Variants in VPS8 observed in about 807,000 individuals in gnomAD.
The protein encoded by VPS8 is VPS8 subunit of CORVET complex, also known as vacuolar protein sorting-associated protein 8 homolog.
A neutral mutation model predicts 216.4 loss-of-function variants in VPS8; 129 were observed. The observed-to-expected ratio is 0.60, with a 90% CI of 0.52 to 0.69. The LOEUF (loss-of-function observed/expected upper bound fraction) is 0.69, where lower values mean the gene tolerates loss of function less well. Ranked by LOEUF, VPS8 falls within the 30% of genes least tolerant of loss-of-function variation. The pLI, the probability that VPS8 is intolerant of heterozygous loss-of-function variation, is 0.00. For synonymous variants in VPS8, 571 were observed against 565.4 expected (o/e 1.01, Z -0.14); for missense variants, 1,531 against 1,683.5 (o/e 0.91, Z 1.59).
At chr3:185,016,328 A>G (rs1165927281) in intron 45 of VPS8, among the ~76,000 whole-genome samples, 1 of 152,196 alleles carries the variant, frequency 6.6e-6, no homozygotes, top group Non-Finnish European at 1.5e-5. Context: ...GAATTTTGCA[A>G]GTGATCATAA....
At chr3:184,890,130 A>C (rs1271881459) in intron 22 of VPS8, among the ~76,000 whole-genome samples, 1 of 152,082 alleles carries the variant, frequency 6.6e-6, no homozygotes, top group Non-Finnish European at 1.5e-5. Flanking sequence ...CCAGCATAGT[A>C]TTTTTTCTCC....
intron 37 of VPS8, among the ~76,000 whole-genome samples, chr3:184,960,888 G>T (rs1011127817): frequency 2.0e-5 from 3 of 152,190 alleles, no homozygotes; most frequent in Admixed American, 1.3e-4. Context: ...CTACTAAGTG[G>T]TAGCCCCTGA....
intron 35 of VPS8, among the ~76,000 whole-genome samples, chr3:184,939,133 C>A (rs1742187855): frequency 6.6e-6 from 1 of 151,538 alleles, no homozygotes; most frequent in African/African-American, 2.4e-5. Flanking sequence ...GTGCAAGAAT[C>A]CCACATAGAT....
chr3:184,866,844 T>C, intron 16 of VPS8, 32 bp from the exon 17 acceptor site: 1 of 1,589,270 alleles, frequency 6.3e-7, no homozygotes, highest in Middle Eastern at 1.7e-4. Flanking sequence ...AGGAATTTTT[T>C]TACCTTTTTT....
chr3:184,963,155 T>C (rs577175869), intron 37 of VPS8, among the ~76,000 whole-genome samples: 99 of 152,234 alleles, frequency 6.5e-4, no homozygotes, highest in South Asian at 5.2e-3. Context: ...CTATTTTTAG[T>C]GTCCTACATC....
chr3:184,828,452 G>C (rs1257218507), intron 3 of VPS8, among the ~76,000 whole-genome samples: 1 of 152,056 alleles, frequency 6.6e-6, no homozygotes, highest in Non-Finnish European at 1.5e-5. Context: ...GCTTTTTAAA[G>C]TAGAAATTTA....
intron 42 of VPS8, among the ~76,000 whole-genome samples, chr3:184,990,939 C>G (rs1394221584): frequency 7.0e-6 from 1 of 141,928 alleles, no homozygotes; most frequent in African/African-American, 2.6e-5. Flanking sequence ...TTTTTTTTTT[C>G]CATGAATATT....
intron 8 of VPS8, among the ~76,000 whole-genome samples, chr3:184,848,820 C>T (rs1254146141): frequency 1.3e-5 from 2 of 152,028 alleles, no homozygotes; most frequent in Non-Finnish European, 2.9e-5. Context: ...CCACCCACCT[C>T]GGCCTTCCAA....
intron 42 of VPS8, among the ~76,000 whole-genome samples, chr3:184,983,358 AT>A (rs1750525936): frequency 6.6e-6 from 1 of 152,136 alleles, no homozygotes; most frequent in African/African-American, 2.4e-5. Flanking sequence ...TTGCCTTGGG[AT>A]TCAGATATAC....
intron 45 of VPS8, among the ~76,000 whole-genome samples, chr3:185,014,794 T>C (rs1415700328): frequency 6.6e-6 from 1 of 152,248 alleles, no homozygotes; most frequent in Non-Finnish European, 1.5e-5. Context: ...GTAATGTGTT[T>C]AATATTCCAT....
At chr3:184,889,417 C>G (rs1731919113) in intron 22 of VPS8, among the ~76,000 whole-genome samples, 1 of 152,264 alleles carries the variant, frequency 6.6e-6, no homozygotes, top group East Asian at 1.9e-4. Flanking sequence ...TTTCATACCT[C>G]TTTTCTTTCT....
chr3:184,872,979 A>C (rs1453384956), intron 21 of VPS8, among the ~76,000 whole-genome samples: 3 of 152,180 alleles, frequency 2.0e-5, no homozygotes, highest in Non-Finnish European at 1.5e-5. Flanking sequence ...AGTATCATGA[A>C]CTTGTAAGAC....
At chr3:185,002,786 T>C (rs1753592676) in intron 45 of VPS8, among the ~76,000 whole-genome samples, 1 of 152,240 alleles carries the variant, frequency 6.6e-6, no homozygotes, top group African/African-American at 2.4e-5. Context: ...TTATTTTGTT[T>C]CTTTTTATGG....
chr3:184,878,192 C>A (rs996216886), intron 21 of VPS8, among the ~76,000 whole-genome samples: 1 of 151,796 alleles, frequency 6.6e-6, no homozygotes, highest in African/African-American at 2.4e-5. Flanking sequence ...CTCACTGCAA[C>A]CTCTGCCTCC....
rs1004106333 is a variant in VPS8, at chr3:185,012,117, A to T, written c.4003-12219A>T. 5.9e-5 allele frequency among the ~76,000 whole-genome samples: 9 copies of T among 151,784 alleles called. No homozygotes were observed. In the South Asian group the frequency reaches 8.3e-4, roughly 14 times the overall value. ...GAAATGATAATTGTAACTGAAGCAC[A>T]GAGGCAAAAATAATTGAAGAAAGTA... On this transcript the variant is annotated intron_variant, in intron 45 of 47. Transcript: ENST00000625842.
At chr3:184,925,957 T>C (rs1739534145) in intron 30 of VPS8, among the ~76,000 whole-genome samples, 1 of 151,098 alleles carries the variant, frequency 6.6e-6, no homozygotes, top group Non-Finnish European at 1.5e-5. Context: ...GTATTTTTTG[T>C]AGAGATGGGG....
intron 46 of VPS8, among the ~76,000 whole-genome samples, chr3:185,043,509 G>A (rs925731432): frequency 4.6e-5 from 7 of 152,168 alleles, no homozygotes; most frequent in Non-Finnish European, 1.0e-4. Flanking sequence ...TAGTGTCAGA[G>A]CCAAGTTCAG....
chr3:185,024,121 C>G (rs1757029525), intron 45 of VPS8, among the ~76,000 whole-genome samples: 1 of 152,132 alleles, frequency 6.6e-6, no homozygotes, highest in Non-Finnish European at 1.5e-5. Context: ...TTTTCTTACC[C>G]AAATCATATT....
At chr3:184,958,786 A>G (rs1746025030) in intron 37 of VPS8, among the ~76,000 whole-genome samples, 1 of 152,226 alleles carries the variant, frequency 6.6e-6, no homozygotes, top group Non-Finnish European at 1.5e-5. Context: ...TAAAATCTCA[A>G]AAACCGTGAG....
Sources: allele counts gnomAD v4.1 joint callset (sites outside exome capture counted in the v4.1 genomes callset), GRCh38; gene constraint gnomAD v4.1.1; transcripts MANE v1.5; gene names NCBI Gene and HGNC (gene_info 2026-07-23, HGNC 2026-07-21).